Variants in MINK1 observed in about 807,000 individuals in gnomAD.
MINK1 encodes misshapen like kinase 1.
A neutral mutation model predicts 178.4 loss-of-function variants in MINK1; 46 were observed. The ratio of observed to expected loss-of-function variants is 0.26; its 90% CI spans 0.20 to 0.33. MINK1 has a LOEUF of 0.33. MINK1 is among the 10% of genes least tolerant of loss of function. MINK1 has a pLI of 1.00. For missense variants in MINK1, 1,366 were observed against 1,814.9 expected, an observed-to-expected ratio of 0.75 and a Z score of 4.49; for synonymous variants, 797 against 709.7, an observed-to-expected ratio of 1.12 and a Z score of -1.96.
intron 1 of MINK1, chr17:4,854,695 C>G (rs1912736898): frequency 2.2e-6 from 1 of 463,128 alleles, no homozygotes; most frequent in Non-Finnish European, 4.3e-6. Flanking sequence ...ACTTCTAGAA[C>G]TGGCCTGATT....
chr17:4,888,102 G>C (rs1167489526), intron 12 of MINK1, among the ~76,000 whole-genome samples: 2 of 151,748 alleles, frequency 1.3e-5, no homozygotes, highest in Admixed American at 6.6e-5. Context: ...TGTAATCCCA[G>C]CTACTCCGGA....
chr17:4,874,699 G>T (rs1310275462), intron 1 of MINK1, among the ~76,000 whole-genome samples: 4 of 152,124 alleles, frequency 2.6e-5, no homozygotes, highest in Non-Finnish European at 5.9e-5. Flanking sequence ...GGAGCATCTG[G>T]GTGGGGAGGG....
At chr17:4,853,950 C>A (rs1466667100) in intron 1 of MINK1, among the ~76,000 whole-genome samples, 2 of 152,144 alleles carry the variant, frequency 1.3e-5, no homozygotes, top group Non-Finnish European at 2.9e-5. Context: ...TATCTTCACA[C>A]CCGAGGCTGG....
chr17:4,874,510 G>A (rs1018378797), intron 1 of MINK1, among the ~76,000 whole-genome samples: 2 of 152,174 alleles, frequency 1.3e-5, no homozygotes, highest in Admixed American at 6.5e-5. Flanking sequence ...AGGAAGACAT[G>A]GGGGAGGCTA....
chr17:4,878,599 A>T (rs1395024921), intron 2 of MINK1, among the ~76,000 whole-genome samples: 1 of 152,198 alleles, frequency 6.6e-6, no homozygotes, highest in African/African-American at 2.4e-5. Flanking sequence ...AGTCCCGGAC[A>T]TGGTGGGAAC....
Position 4,895,056 on chromosome 17 carries a change from C to T in MINK1, c.2918-19C>T. ...GAGAAGCTGCAGCCCCTCCTCCCAC[C>T]TCCTCCTCCTTCTGGCAGCCCTAGT... On this transcript the variant is annotated intron_variant, in intron 24 of 31. Coordinates refer to ENST00000355280, the MANE Select transcript of MINK1 (RefSeq NM_153827.5). This position sits in a 1 kb window ranked among gnomAD's most constrained non-coding sequence, Gnocchi z 4.3. 1.2e-6 allele frequency: 2 copies of T among 1,612,000 alleles called. No homozygotes were observed. Among genetic ancestry groups the T allele is most frequent in the Non-Finnish European group, 1.7e-6 (2 of 1,179,084 alleles).
intron 1 of MINK1, among the ~76,000 whole-genome samples, chr17:4,838,214 C>T (rs2150730438): frequency 6.6e-6 from 1 of 152,260 alleles, no homozygotes. Flanking sequence ...TGAAATGCTG[C>T]CTTGGCAAAA....
chr17:4,877,070 G>A (rs957660367), intron 1 of MINK1, among the ~76,000 whole-genome samples: 2 of 150,730 alleles, frequency 1.3e-5, no homozygotes, highest in African/African-American at 4.9e-5. Context: ...CTGGGTGACA[G>A]AGTGAGACTC....
intron 1 of MINK1, among the ~76,000 whole-genome samples, chr17:4,845,100 C>T (rs1439481578): frequency 7.2e-5 from 11 of 152,064 alleles, no homozygotes; most frequent in African/African-American, 2.2e-4. Flanking sequence ...AGGGTCTGAC[C>T]GAGCAGATGT....
rs760573738 is a variant in MINK1, at chr17:4,886,538, C to G, written c.861C>G (p.Pro287=). Residue 287 remains proline, a synonymous_variant, in exon 10 of 32, where the codon CCC becomes CCG. Transcript: ENST00000355280. The surrounding 1 kb of genome is among the most constrained non-coding windows in gnomAD (Gnocchi z 6.1). The part of the protein sequence containing the change: ...RPPTEQLLKF[P]FIRDQPTERQ... ...CCACGGAGCAGCTACTGAAGTTTCC[C>G]TTCATCCGGGACCAGCCCACGGAGC... The G allele has an allele frequency of 2.5e-6, 4 of 1,613,774 alleles. No homozygotes were observed. The highest frequency in any genetic ancestry group is 2.2e-5 in the South Asian group (2 of 91,078).
chr17:4,867,965 C>G (rs1226139840), intron 1 of MINK1, among the ~76,000 whole-genome samples: 1 of 150,662 alleles, frequency 6.6e-6, no homozygotes, highest in Non-Finnish European at 1.5e-5. Flanking sequence ...TCCATATCTT[C>G]TAGCTCTTTT....
At position 4,891,471 on chromosome 17, in the gene MINK1, C is replaced by T. The variant is rs919385130; in HGVS notation, c.1756C>T (p.Arg586Trp). ...CTCCCTGCAGAGCCTGGTGGCACACCGGGTCCCACTGAAGCCATATGCAGC... is the reference window on the plus strand; with the variant it reads ...CTCCCTGCAGAGCCTGGTGGCACACTGGGTCCCACTGAAGCCATATGCAGC... Reference protein sequence around the residue: ...EGPHKSLVAHRVPLKPYAAPV... With the variant: ...EGPHKSLVAHWVPLKPYAAPV... Residue 586 changes from arginine to tryptophan, a missense_variant, in exon 16 of 32, where the codon CGG becomes TGG. Physicochemically the swap from Arg to Trp is moderately radical, Grantham distance 101. Coordinates refer to ENST00000355280, the MANE Select transcript of MINK1 (RefSeq NM_153827.5). 72 of 1,582,806 alleles carry T rather than the reference C, an allele frequency of 4.5e-5. No individual in the cohort carries two copies. Among genetic ancestry groups the T allele is most frequent in the Non-Finnish European group, 6.0e-5 (70 of 1,159,646 alleles).
At chr17:4,864,181 C>A (rs570518826) in intron 1 of MINK1, among the ~76,000 whole-genome samples, 1 of 150,928 alleles carries the variant, frequency 6.6e-6, no homozygotes, top group Non-Finnish European at 1.5e-5. Flanking sequence ...GGGTGGATCA[C>A]CTGAGGTCGG....
In MINK1 at chr17:4,894,576, T is replaced by C. The variant is rs766350293; in HGVS notation, c.2860T>C (p.Phe954Leu). 2 of 1,609,810 alleles carry C rather than the reference T, an allele frequency of 1.2e-6. No individual in the cohort carries two copies. The highest frequency in any genetic ancestry group is 2.2e-5 in the South Asian group (2 of 90,050). The part of the protein sequence containing the change: ...KAPGKSSFTM[F>L]VDLGIYQPGG... ...CCCTGGCAAGAGCTCGTTCACGATG[T>C]TTGTGGATCTAGGGATCTACCAGCC... The change falls in exon 24 of 32, where the codon TTT becomes CTT. Residue 954 changes from phenylalanine (F) to leucine (L), a missense_variant. Transcript: ENST00000355280. This position sits in a 1 kb window ranked among gnomAD's most constrained non-coding sequence, Gnocchi z 4.1.
At position 4,886,151 on chromosome 17, in the gene MINK1, C is replaced by A; in HGVS notation, c.726C>A (p.Leu242=). Reference sequence around the variant, plus strand: ...GTGACATGCACCCCATGCGAGCCCTCTTCCTCATTCCTCGGAACCCTCCGC... The same window carrying A: ...GTGACATGCACCCCATGCGAGCCCTATTCCTCATTCCTCGGAACCCTCCGC... The part of the protein sequence containing the change: ...PLCDMHPMRA[L]FLIPRNPPPR... The change falls in exon 9 of 32, where the codon CTC becomes CTA. Residue 242 remains leucine (L), a synonymous_variant. Transcript: ENST00000355280. The surrounding 1 kb of genome is among the most constrained non-coding windows in gnomAD (Gnocchi z 6.1). The A allele has an allele frequency of 2.5e-6, 4 of 1,614,026 alleles. No individual in the cohort carries two copies. The highest frequency in any genetic ancestry group is 3.4e-6 in the Non-Finnish European group (4 of 1,179,882).
intron 1 of MINK1, chr17:4,861,636 G>A: frequency 3.6e-6 from 1 of 277,612 alleles, no homozygotes; most frequent in South Asian, 2.8e-5. Context: ...TAGTAGCTGA[G>A]ATTACAGGCA....
intron 1 of MINK1, among the ~76,000 whole-genome samples, chr17:4,839,222 C>T (rs947926699): frequency 2.6e-5 from 4 of 152,156 alleles, no homozygotes; most frequent in South Asian, 2.1e-4. Context: ...GGATTACAGG[C>T]GCGAGCCACC....
intron 1 of MINK1, among the ~76,000 whole-genome samples, chr17:4,864,490 G>A (rs1340553361): frequency 1.3e-5 from 2 of 151,960 alleles, no homozygotes; most frequent in East Asian, 1.9e-4. Context: ...TTGGGAGGCC[G>A]AGGTGGAGTG....
In MINK1 at chr17:4,896,655, C is replaced by G. The variant is rs772813943; in HGVS notation, c.3776-19C>G. 1 of 1,605,462 alleles carries G rather than the reference C, an allele frequency of 6.2e-7. No homozygotes were observed. Among genetic ancestry groups the G allele is most frequent in the East Asian group, 2.2e-5 (1 of 44,784 alleles). The stretch of plus-strand genomic sequence containing the variant: ...GCCCCGGGGTGCAGCCTGCTCAGCC[C>G]CTCACCTGTTCCCCACAGCCTACAT... On this transcript the variant is annotated intron_variant, in intron 30 of 31. Coordinates refer to ENST00000355280, the MANE Select transcript of MINK1 (RefSeq NM_153827.5). This position sits in a 1 kb window ranked among gnomAD's most constrained non-coding sequence, Gnocchi z 4.6.
Sources: allele counts gnomAD v4.1 joint callset (sites outside exome capture counted in the v4.1 genomes callset), GRCh38; gene constraint gnomAD v4.1.1; non-coding constraint Gnocchi (gnomAD v3.1); transcripts MANE v1.5; gene names NCBI Gene and HGNC (gene_info 2026-07-23, HGNC 2026-07-21).